DPH6: variants seen among roughly 807,000 people sequenced by gnomAD.
The protein encoded by DPH6 is diphthine--ammonia ligase.
DPH6 carries 33 observed loss-of-function variants against 38.2 expected under a neutral mutation model. The ratio of observed to expected loss-of-function variants is 0.86; its 90% CI spans 0.65 to 1.15. The LOEUF (loss-of-function observed/expected upper bound fraction) is 1.15. DPH6 is among the 50% of genes most tolerant of loss of function. The probability of loss-of-function intolerance (pLI) is 0.00; values close to 1 mark genes in which losing one functional copy is unlikely to be tolerated. For missense variants in DPH6, 325 were observed against 320.0 expected (o/e 1.02, Z -0.12); for synonymous variants, 108 against 103.0 (o/e 1.05, Z -0.30).
chr15:35,482,643 A>T (rs2054342009), intron 3 of DPH6, among the ~76,000 whole-genome samples: 1 of 152,208 alleles, frequency 6.6e-6, no homozygotes, highest in South Asian at 2.1e-4. Context: ...AAAAGTATAG[A>T]TACAACTGAG....
chr15:35,350,039 A>T (rs776248803), intron 3 of DPH6, among the ~76,000 whole-genome samples: 5 of 152,102 alleles, frequency 3.3e-5, no homozygotes, highest in Non-Finnish European at 7.4e-5. Context: ...TAGTTCTTTA[A>T]ATGGCTGCAA....
At chr15:35,494,610 A>T (rs1235340902) in intron 3 of DPH6, among the ~76,000 whole-genome samples, 1 of 152,098 alleles carries the variant, frequency 6.6e-6, no homozygotes, top group African/African-American at 2.4e-5. Flanking sequence ...CATTCCTTTC[A>T]AATTTCATAG....
At chr15:35,496,570 ATATATATATAT>A (rs1566931349) in intron 3 of DPH6, among the ~76,000 whole-genome samples, 1 of 108,304 alleles carries the variant, frequency 9.2e-6, no homozygotes, top group Non-Finnish European at 1.8e-5. Flanking sequence ...AAAAAAAAAT[ATATATATATAT>A]ATATATATAT....
At chr15:35,522,621 GTTGATTTGATAA>G (rs1190742913) in intron 3 of DPH6, among the ~76,000 whole-genome samples, 3 of 152,062 alleles carry the variant, frequency 2.0e-5, no homozygotes, top group Non-Finnish European at 4.4e-5. Context: ...CTGACATCCT[GTTGATTTGATAA>G]TCAATAGGAA....
At chr15:35,186,772 T>C in the DPH6 span, among the ~76,000 whole-genome samples, 73 of 152,352 alleles carry the variant, frequency 4.8e-4, no homozygotes, top group African/African-American at 1.7e-3. Flanking sequence ...AGTGAATTGT[T>C]TTTAAAAACA....
intron 3 of DPH6, among the ~76,000 whole-genome samples, chr15:35,487,706 T>C (rs2054423338): frequency 6.6e-6 from 1 of 152,234 alleles, no homozygotes; most frequent in Non-Finnish European, 1.5e-5. Flanking sequence ...TCCCCATTGT[T>C]TTGGCATTAA....
At chr15:35,487,991 T>C (rs2054427476) in intron 3 of DPH6, among the ~76,000 whole-genome samples, 3 of 152,338 alleles carry the variant, frequency 2.0e-5, no homozygotes, top group African/African-American at 2.4e-5. Flanking sequence ...TCAAGTTCAA[T>C]GTTCCACAGA....
chr15:35,303,215 TCTTC>T (rs1254781645), intron 3 of DPH6, among the ~76,000 whole-genome samples: 1 of 152,218 alleles, frequency 6.6e-6, no homozygotes, highest in Non-Finnish European at 1.5e-5. Flanking sequence ...GTTCCATTCC[TCTTC>T]CTTCCTTCCA....
chr15:35,486,467 T>C (rs1477186953), intron 3 of DPH6, among the ~76,000 whole-genome samples: 1 of 152,104 alleles, frequency 6.6e-6, no homozygotes, highest in Non-Finnish European at 1.5e-5. Flanking sequence ...AAGCAAGGCA[T>C]GTCTTACATG....
At chr15:35,293,323 A>G (rs560397974) in intron 3 of DPH6, among the ~76,000 whole-genome samples, 3 of 152,218 alleles carry the variant, frequency 2.0e-5, no homozygotes, top group Non-Finnish European at 4.4e-5. Context: ...GTGCAGCTAT[A>G]ATGGACCTAA....
At chr15:35,395,179 G>A (rs546555621) in intron 6 of DPH6, among the ~76,000 whole-genome samples, 19 of 152,114 alleles carry the variant, frequency 1.2e-4, no homozygotes, top group African/African-American at 4.3e-4. Context: ...TCTAGCTCCT[G>A]GCAATTTGGT....
chr15:35,232,979 A>G (rs2051528338), intron 3 of DPH6, among the ~76,000 whole-genome samples: 1 of 152,158 alleles, frequency 6.6e-6, no homozygotes, highest in African/African-American at 2.4e-5. Flanking sequence ...AAAATAAAGT[A>G]TACACCCATC....
intron 3 of DPH6, among the ~76,000 whole-genome samples, chr15:35,278,319 C>A (rs150002737): frequency 3.9e-5 from 6 of 152,338 alleles, no homozygotes; most frequent in African/African-American, 1.4e-4. Flanking sequence ...AGGCCGTAAT[C>A]CTTGGCAGCT....
rs145041886 is a variant in DPH6, at chr15:35,375,375, G to T, written c.663-1767C>A. Among the ~76,000 whole-genome samples the T allele has an allele frequency of 2.0e-5, 3 of 152,038 alleles. No individual in the cohort carries two copies. The East Asian group carries it at 5.8e-4, about 29-fold the overall frequency. ...ACTTATACAAAGGAAGAGTCAACTG[G>T]GAGAGACCAGATTTCAAATGAACAG... On this transcript the variant is annotated intron_variant, in intron 7 of 8. Transcript: ENST00000256538.
chr15:35,512,562 C>A (rs746498399), intron 3 of DPH6, among the ~76,000 whole-genome samples: 1 of 152,004 alleles, frequency 6.6e-6, no homozygotes, highest in Non-Finnish European at 1.5e-5. Flanking sequence ...GAAAAAGTCA[C>A]CTTATGCCTT....
At chr15:35,534,985 C>G (rs1379391760) in intron 3 of DPH6, among the ~76,000 whole-genome samples, 1 of 152,158 alleles carries the variant, frequency 6.6e-6, no homozygotes, top group African/African-American at 2.4e-5. Flanking sequence ...TTAACAAAAC[C>G]ATCTCTGATC....
intron 3 of DPH6, among the ~76,000 whole-genome samples, chr15:35,300,997 C>T (rs1595467662): frequency 1.3e-5 from 2 of 152,176 alleles, no homozygotes; most frequent in African/African-American, 4.8e-5. Context: ...AATGATCACA[C>T]TTGAGTTATC....
chr15:35,529,348 AAAC>A (rs569611264), intron 3 of DPH6, among the ~76,000 whole-genome samples: 17 of 152,098 alleles, frequency 1.1e-4, no homozygotes, highest in Non-Finnish European at 2.5e-4. Context: ...AAACACTTTC[AAAC>A]AACAAGATCT....
At chr15:35,370,244 T>A (rs1366940125), downstream of DPH6, among the ~76,000 whole-genome samples, 1 of 151,746 alleles carries the variant, frequency 6.6e-6, no homozygotes, top group Admixed American at 6.6e-5. Context: ...CTATCAAGCT[T>A]CGACAAGATA....
Sources: allele counts gnomAD v4.1 joint callset (sites outside exome capture counted in the v4.1 genomes callset), GRCh38; gene constraint gnomAD v4.1.1; transcripts MANE v1.5; gene names NCBI Gene and HGNC (gene_info 2026-07-23, HGNC 2026-07-21).